The following SOX6 variants were observed in gnomAD, a reference collection of about 807,000 sequenced individuals.
The protein encoded by SOX6 is transcription factor SOX-6.
A neutral mutation model predicts 97.8 loss-of-function variants in SOX6; 11 were observed. The ratio of observed to expected loss-of-function variants is 0.11; its 90% CI spans 0.07 to 0.19. The LOEUF (loss-of-function observed/expected upper bound fraction) is 0.19. SOX6 is among the 10% of genes least tolerant of loss of function. The pLI is 1.00. For missense variants in SOX6, 810 were observed against 1,039.5 expected, an observed-to-expected ratio of 0.78 and a Z score of 3.04; for synonymous variants, 360 against 371.4, an observed-to-expected ratio of 0.97 and a Z score of 0.35.
chr11:16,403,735 TA>T (rs1168050326), intron 1 of SOX6, among the ~76,000 whole-genome samples: 1 of 151,706 alleles, frequency 6.6e-6, no homozygotes, highest in East Asian at 1.9e-4. Flanking sequence ...AGGGAGACTT[TA>T]AAAAATAATG....
At position 16,667,019 on chromosome 11, in the gene SOX6, G is replaced by A. The variant is rs145842300; in HGVS notation, n.429+47811C>T. Among the ~76,000 whole-genome samples the A allele has an allele frequency of 6.7e-5, 10 of 150,300 alleles. No individual in the cohort carries two copies. The East Asian group carries it at 1.8e-3, about 27-fold the overall frequency. On this transcript the variant is annotated intron_variant and non_coding_transcript_variant, in intron 3 of 5. Transcript: ENST00000524520. Reference sequence around the variant, plus strand: ...TGGGAAGCCAAGTCCAGAAGTTCAAGACCAGTTTGGATAACATGGCAAAAT... The same window carrying A: ...TGGGAAGCCAAGTCCAGAAGTTCAAAACCAGTTTGGATAACATGGCAAAAT...
chr11:16,445,932 C>T (rs1503450), intron 1 of SOX6, among the ~76,000 whole-genome samples: 2 of 152,052 alleles, frequency 1.3e-5, no homozygotes, highest in South Asian at 4.1e-4. Context: ...AATCTTACTC[C>T]TGAGAAGGTA....
chr11:16,716,514 G>T (rs190828356), intron 2 of SOX6, among the ~76,000 whole-genome samples: 1 of 152,238 alleles, frequency 6.6e-6, no homozygotes, highest in Admixed American at 6.5e-5. Flanking sequence ...AAATTTTATG[G>T]TCTGAGCATA....
At chr11:16,714,509 G>A (rs1848204632) in intron 3 of SOX6, among the ~76,000 whole-genome samples, 1 of 142,844 alleles carries the variant, frequency 7.0e-6, no homozygotes, top group South Asian at 2.2e-4. Context: ...CTGGAATGCA[G>A]TGGCGCATCT....
At chr11:16,593,405 A>T (rs940791252) in intron 4 of SOX6, among the ~76,000 whole-genome samples, 43 of 152,132 alleles carry the variant, frequency 2.8e-4, no homozygotes, top group African/African-American at 9.9e-4. Context: ...AAAAGTAAAG[A>T]CACCAAGGCC....
intron 2 of SOX6, among the ~76,000 whole-genome samples, chr11:16,717,522 A>G (rs1261716294): frequency 6.6e-6 from 1 of 152,138 alleles, no homozygotes; most frequent in African/African-American, 2.4e-5. Context: ...ACAAGGAAGG[A>G]AAATCATTCT....
rs1395553942 is a variant in SOX6 at position 16,144,562 on chromosome 11, C to G, written c.778-32639G>C. 2.0e-5 allele frequency among the ~76,000 whole-genome samples: 3 copies of G among 152,078 alleles called. No individual in the cohort carries two copies. In the East Asian group the frequency reaches 5.8e-4, roughly 29 times the overall value. ...TTCAAAAAATCAATGAATCCAGCAGCTGGTTTTTTGAAAAGATCAACAAAA... is the reference window on the plus strand; with the variant it reads ...TTCAAAAAATCAATGAATCCAGCAGGTGGTTTTTTGAAAAGATCAACAAAA... On this transcript the variant is annotated intron_variant, in intron 6 of 15. Coordinates refer to ENST00000683767, the MANE Select transcript of SOX6 (RefSeq NM_001367873.1).
At chr11:16,461,556 C>T (rs1165504665) in intron 1 of SOX6, among the ~76,000 whole-genome samples, 1 of 152,158 alleles carries the variant, frequency 6.6e-6, no homozygotes, top group African/African-American at 2.4e-5. Flanking sequence ...TGCTTCCATT[C>T]GTCTAGCCCA....
At chr11:16,091,979 A>G (rs1172841541) in intron 9 of SOX6, among the ~76,000 whole-genome samples, 3 of 152,070 alleles carry the variant, frequency 2.0e-5, no homozygotes, top group Admixed American at 2.0e-4. Context: ...TGCCTGTAAC[A>G]ATATTAAGTT....
intron 4 of SOX6, among the ~76,000 whole-genome samples, chr11:16,496,227 T>A (rs958623312): frequency 1.1e-4 from 17 of 151,766 alleles, no homozygotes; most frequent in Non-Finnish European, 2.4e-4. Flanking sequence ...CAGCAATATA[T>A]TTCAATGAAA....
At chr11:16,132,374 GAA>G (rs1349012250) in intron 6 of SOX6, among the ~76,000 whole-genome samples, 1 of 84,800 alleles carries the variant, frequency 1.2e-5, no homozygotes, top group African/African-American at 5.3e-5. Flanking sequence ...AAGAAAGAAA[GAA>G]AGAAAGAAAG....
At chr11:16,142,411 G>A (rs1444515734) in intron 6 of SOX6, among the ~76,000 whole-genome samples, 10 of 152,166 alleles carry the variant, frequency 6.6e-5, no homozygotes, top group Non-Finnish European at 1.5e-5. Flanking sequence ...GAAAAACAGA[G>A]CAGAAAAGCT....
intron 3 of SOX6, among the ~76,000 whole-genome samples, chr11:16,291,180 A>T (rs937549696): frequency 6.7e-6 from 1 of 148,822 alleles, no homozygotes; most frequent in Admixed American, 6.7e-5. Flanking sequence ...TGGAATCAAT[A>T]GTTTTTTCAG....
chr11:16,004,313 T>A (rs7938840), intron 13 of SOX6, among the ~76,000 whole-genome samples: 13,885 of 151,940 alleles, frequency 0.091, 1,302 homozygotes, highest in East Asian at 0.36. Context: ...TATCCCCAAA[T>A]TTCACACTTT....
chr11:16,689,305 C>T (rs1847994402), intron 3 of SOX6, among the ~76,000 whole-genome samples: 3 of 152,106 alleles, frequency 2.0e-5, no homozygotes, highest in Admixed American at 2.0e-4. Context: ...GCCACACTGA[C>T]CTCCCTGGAC....
chr11:16,063,835 T>C (rs1399367935), intron 9 of SOX6, among the ~76,000 whole-genome samples: 1 of 151,286 alleles, frequency 6.6e-6, no homozygotes, highest in African/African-American at 2.4e-5. Flanking sequence ...TTTTAGTCAA[T>C]CTTACTTTTA....
intron 9 of SOX6, among the ~76,000 whole-genome samples, chr11:16,061,303 C>CAAAA (rs67980023): frequency 6.3e-4 from 77 of 121,330 alleles, no homozygotes; most frequent in African/African-American, 2.4e-3. Flanking sequence ...ACAATAGCTA[C>CAAAA]AAAAAAAAAA....
intron 9 of SOX6, among the ~76,000 whole-genome samples, chr11:16,062,345 C>G (rs921247029): frequency 6.6e-6 from 1 of 151,544 alleles, no homozygotes; most frequent in African/African-American, 2.4e-5. Context: ...GGTTTAGGAA[C>G]AGAAAAGGTT....
At chr11:16,177,653 C>CTCTCAT (rs1851234948) in intron 6 of SOX6, among the ~76,000 whole-genome samples, 1 of 149,966 alleles carries the variant, frequency 6.7e-6, no homozygotes, top group Non-Finnish European at 1.5e-5. Context: ...CTCTCTCATT[C>CTCTCAT]TCTCTCTCTC....
Sources: allele counts gnomAD v4.1 joint callset (sites outside exome capture counted in the v4.1 genomes callset), GRCh38; gene constraint gnomAD v4.1.1; transcripts MANE v1.5; gene names NCBI Gene and HGNC (gene_info 2026-07-23, HGNC 2026-07-21).